The following PRKN variants were observed in gnomAD, a reference collection of about 807,000 sequenced individuals.
The protein encoded by PRKN is parkin RBR E3 ubiquitin protein ligase.
A neutral mutation model predicts 59.5 loss-of-function variants in PRKN; 56 were observed. The ratio of observed to expected loss-of-function variants is 0.94; its 90% CI spans 0.76 to 1.18. The LOEUF (loss-of-function observed/expected upper bound fraction) is 1.18, where lower values mean the gene tolerates loss of function less well. Ranked by LOEUF, PRKN falls within the 50% of genes most tolerant of loss-of-function variation. The probability of loss-of-function intolerance (pLI) is 0.00; values close to 1 mark genes in which losing one functional copy is unlikely to be tolerated. For synonymous variants in PRKN, 250 were observed against 222.1 expected, an observed-to-expected ratio of 1.13 and a Z score of -1.12; for missense variants, 657 against 596.4, an observed-to-expected ratio of 1.10 and a Z score of -1.06.
chr6:162,107,008 G>A (rs6932255), intron 4 of PRKN, among the ~76,000 whole-genome samples: 13,913 of 152,170 alleles, frequency 0.091, 724 homozygotes, highest in Middle Eastern at 0.13. Flanking sequence ...TGAGGAGCTC[G>A]GTGTCACTCA....
Position 161,379,702 on chromosome 6 carries a change from A to G in PRKN, c.1167+7092T>C, listed in dbSNP as rs376855499. ...TGTAAGGCCTGACCACTCTGTGTCCATGCACAACAACTCAGAAGGCTCATC... is the reference window on the plus strand; with the variant it reads ...TGTAAGGCCTGACCACTCTGTGTCCGTGCACAACAACTCAGAAGGCTCATC... On this transcript the variant is annotated intron_variant, in intron 10 of 11. Coordinates refer to ENST00000366898, the MANE Select transcript of PRKN (RefSeq NM_004562.3). The surrounding 1 kb of genome is among the most constrained non-coding windows in gnomAD (Gnocchi z 4.9). Among the ~76,000 whole-genome samples, 128 of 152,328 alleles carry G rather than the reference A, an allele frequency of 8.4e-4. 1 individual carries two copies. The highest frequency in any genetic ancestry group is 2.9e-3 in the African/African-American group (119 of 41,574).
chr6:161,453,792 C>T (rs868113096), intron 9 of PRKN, among the ~76,000 whole-genome samples: 44 of 149,222 alleles, frequency 2.9e-4, no homozygotes, highest in Middle Eastern at 3.5e-3. Context: ...CTCCCCTTCC[C>T]CTCTCCCCAA....
rs547816954 is a variant in PRKN at position 161,439,882 on chromosome 6, G to A, written c.1084-53005C>T. ...AGCTCAGATAGACTTGGTCAAGGTC[G>A]TCCCAGTAGAGCTGAGATTCGAGCA... On this transcript the variant is annotated intron_variant, in intron 9 of 11. Coordinates refer to ENST00000366898, the MANE Select transcript of PRKN (RefSeq NM_004562.3). 9.2e-5 allele frequency among the ~76,000 whole-genome samples: 14 copies of A among 152,146 alleles called. No individual in the cohort carries two copies. The South Asian group carries it at 2.5e-3, about 27-fold the overall frequency.
intron 7 of PRKN, among the ~76,000 whole-genome samples, chr6:161,631,192 A>G (rs1177245330): frequency 3.3e-5 from 5 of 152,254 alleles, no homozygotes; most frequent in Non-Finnish European, 7.3e-5. Flanking sequence ...TGCATGAGCT[A>G]GTGCTTACTG....
At chr6:162,637,353 T>C (rs2128223726) in intron 1 of PRKN, among the ~76,000 whole-genome samples, 1 of 139,756 alleles carries the variant, frequency 7.2e-6, no homozygotes, top group South Asian at 2.2e-4. Flanking sequence ...GAGGTCAAAC[T>C]TGCAAATACA....
intron 1 of PRKN, among the ~76,000 whole-genome samples, chr6:162,457,741 G>T (rs1194893724): frequency 6.8e-6 from 1 of 146,904 alleles, no homozygotes; most frequent in Non-Finnish European, 1.5e-5. Flanking sequence ...TAATAATGAT[G>T]AAGTATTTTT....
At chr6:162,044,114 T>A (rs2128282758) in intron 5 of PRKN, among the ~76,000 whole-genome samples, 1 of 152,350 alleles carries the variant, frequency 6.6e-6, no homozygotes, top group East Asian at 1.9e-4. Flanking sequence ...GAAAAAATTG[T>A]ACAAAATAAT....
chr6:162,488,998 C>A (rs1792682713), intron 1 of PRKN, among the ~76,000 whole-genome samples: 1 of 152,094 alleles, frequency 6.6e-6, no homozygotes, highest in Admixed American at 6.5e-5. Flanking sequence ...AGCCACCACT[C>A]CTGAAACTTT....
At chr6:162,688,659 C>A (rs774153559) in intron 1 of PRKN, among the ~76,000 whole-genome samples, 5 of 152,162 alleles carry the variant, frequency 3.3e-5, no homozygotes, top group Non-Finnish European at 7.3e-5. Context: ...TACATTTCAA[C>A]GTGGCTACAA....
chr6:161,740,988 A>T (rs924617995), intron 7 of PRKN, among the ~76,000 whole-genome samples: 1 of 152,210 alleles, frequency 6.6e-6, no homozygotes, highest in South Asian at 2.1e-4. Context: ...CTAGCTTAAG[A>T]ATAACTGGGT....
chr6:162,338,895 TGCCCCGCC>T (rs1196665141), intron 2 of PRKN, among the ~76,000 whole-genome samples: 1 of 142,180 alleles, frequency 7.0e-6, no homozygotes, highest in Non-Finnish European at 1.5e-5. Context: ...GGAGCGCCTC[TGCCCCGCC>T]GCCCCATCTG....
At chr6:162,576,680 C>A (rs532306828) in intron 1 of PRKN, among the ~76,000 whole-genome samples, 31 of 151,874 alleles carry the variant, frequency 2.0e-4, no homozygotes, top group Middle Eastern at 3.4e-3. Context: ...GGCGTGGTGG[C>A]GCATGCCTGT....
chr6:162,384,609 A>C (rs1028002873), intron 2 of PRKN, among the ~76,000 whole-genome samples: 1 of 149,406 alleles, frequency 6.7e-6, no homozygotes, highest in Non-Finnish European at 1.5e-5. Context: ...CTGCTAATAG[A>C]CTTGCTTGAT....
chr6:162,468,018 C>T (rs959622808), intron 1 of PRKN, among the ~76,000 whole-genome samples: 6 of 152,150 alleles, frequency 3.9e-5, no homozygotes, highest in African/African-American at 1.2e-4. Context: ...ATTAAGCAGC[C>T]TCCCTAACTA....
rs568542888 is a variant in PRKN at position 162,303,941 on chromosome 6, TG to T, written c.172-41177del. ...GCAGCCTTCTCTGCAGGGAATTTTT[TG>T]TATAGATTTTGCTCCTGGAAATATG... On this transcript the variant is annotated intron_variant, in intron 2 of 11. Transcript: ENST00000366898. Among the ~76,000 whole-genome samples, 150 of 152,250 alleles carry T rather than the reference TG, an allele frequency of 9.9e-4. 1 individual carries two copies. Among genetic ancestry groups the T allele is most frequent in the African/African-American group, 3.6e-3 (148 of 41,550 alleles).
At chr6:161,441,399 C>CT (rs1440331211) in intron 9 of PRKN, among the ~76,000 whole-genome samples, 3 of 152,246 alleles carry the variant, frequency 2.0e-5, no homozygotes, top group East Asian at 3.9e-4. Flanking sequence ...AATCCCAGCA[C>CT]TTTGGGAGGC....
chr6:162,354,045 T>C (rs1784738560), intron 2 of PRKN, among the ~76,000 whole-genome samples: 1 of 152,164 alleles, frequency 6.6e-6, no homozygotes, highest in Non-Finnish European at 1.5e-5. Flanking sequence ...ACCAAACTAG[T>C]TTCCTTTATC....
chr6:161,724,425 C>G (rs868706942), intron 7 of PRKN, among the ~76,000 whole-genome samples: 1 of 152,194 alleles, frequency 6.6e-6, no homozygotes, highest in Admixed American at 6.5e-5. Flanking sequence ...TTCATACTTT[C>G]AGGAATTGCT....
intron 1 of PRKN, among the ~76,000 whole-genome samples, chr6:162,496,599 C>A (rs1793073127): frequency 6.6e-6 from 1 of 152,172 alleles, no homozygotes; most frequent in Non-Finnish European, 1.5e-5. Context: ...TAAACACATA[C>A]AGAATAGGAA....
Sources: allele counts gnomAD v4.1 joint callset (sites outside exome capture counted in the v4.1 genomes callset), GRCh38; gene constraint gnomAD v4.1.1; non-coding constraint Gnocchi (gnomAD v3.1); transcripts MANE v1.5; gene names NCBI Gene and HGNC (gene_info 2026-07-23, HGNC 2026-07-21).